MED26: variants seen among roughly 807,000 people sequenced by gnomAD.
MED26 encodes mediator of RNA polymerase II transcription subunit 26.
MED26 carries 7 observed loss-of-function variants against 43.7 expected under a neutral mutation model. The observed-to-expected ratio is 0.16, with a 90% CI of 0.09 to 0.30. MED26 has a LOEUF of 0.30. Among genes scored for constraint, MED26 ranks in the 10% least tolerant of loss-of-function variants. The probability of loss-of-function intolerance (pLI) is 1.00; values close to 1 mark genes in which losing one functional copy is unlikely to be tolerated. For missense variants in MED26, 784 were observed against 840.6 expected (o/e 0.93, Z 0.83); for synonymous variants, 375 against 371.1 (o/e 1.01, Z -0.12).
chr19:16,608,357 C>T (rs2122434615), intron 1 of MED26, among the ~76,000 whole-genome samples: 1 of 152,368 alleles, frequency 6.6e-6, no homozygotes, highest in East Asian at 1.9e-4. Flanking sequence ...TTTTACCAAA[C>T]TTAGTACTAT....
intron 1 of MED26, among the ~76,000 whole-genome samples, chr19:16,579,959 G>A (rs182253921): frequency 6.4e-4 from 97 of 152,312 alleles, no homozygotes; most frequent in Non-Finnish European, 1.2e-3. Flanking sequence ...CCCCTCATTT[G>A]GCTCACCATC....
At chr19:16,601,507 G>A (rs1313158724) in intron 1 of MED26, among the ~76,000 whole-genome samples, 4 of 152,212 alleles carry the variant, frequency 2.6e-5, no homozygotes, top group African/African-American at 9.6e-5. Flanking sequence ...GCAACACACA[G>A]ATAAAGCACG....
In MED26 at chr19:16,577,710, C is replaced by T. The variant is rs1568279212; in HGVS notation, c.148-28G>A. On this transcript the variant is annotated intron_variant, in intron 2 of 2. Transcript: ENST00000263390. The surrounding 1 kb of genome is among the most constrained non-coding windows in gnomAD (Gnocchi z 8.1). The stretch of plus-strand genomic sequence containing the variant: ...ACAACCAGAGGGAGATGATGACATA[C>T]TTTCGGGACAGGAACTTCTCCATGA... The T allele has an allele frequency of 2.0e-6, 3 of 1,523,854 alleles. No individual in the cohort carries two copies. The highest frequency in any genetic ancestry group is 2.8e-5 in the African/African-American group (2 of 72,018). The allele number at this position is 1,523,854 out of a possible 1,614,324, so 94.4% of individuals were successfully genotyped here.
intron 1 of MED26, chr19:16,578,821 G>A (rs1226083421): frequency 5.7e-6 from 1 of 175,822 alleles, no homozygotes; most frequent in Non-Finnish European, 1.2e-5. Flanking sequence ...TCAATACACA[G>A]GCCAGGCGCG....
At chr19:16,612,634 A>G (rs2086204730) in intron 1 of MED26, among the ~76,000 whole-genome samples, 1 of 152,200 alleles carries the variant, frequency 6.6e-6, no homozygotes, top group Non-Finnish European at 1.5e-5. Context: ...AATATTGGCT[A>G]TTGCTTCTGA....
intron 1 of MED26, among the ~76,000 whole-genome samples, chr19:16,617,842 G>C (rs1303642856): frequency 2.0e-5 from 3 of 152,168 alleles, no homozygotes; most frequent in African/African-American, 7.2e-5. Flanking sequence ...CCTTAAGGCA[G>C]AAGTGAAGGT....
In MED26 at chr19:16,575,945, G is replaced by A. The variant is rs2085993472; in HGVS notation, c.*82C>T. Reference sequence around the variant, plus strand: ...CGAGTTCCCAGCGCAGGAGGCAGCTGGGCCCCGGCCACCTGCCCACCTGCC... The same window carrying A: ...CGAGTTCCCAGCGCAGGAGGCAGCTAGGCCCCGGCCACCTGCCCACCTGCC... On this transcript the variant is annotated 3_prime_UTR_variant, in exon 3 of 3. Coordinates refer to ENST00000263390, the MANE Select transcript of MED26 (RefSeq NM_004831.5). 5 of 1,356,908 alleles carry A rather than the reference G, an allele frequency of 3.7e-6. No homozygotes were observed. The highest frequency in any genetic ancestry group is 5.1e-6 in the Non-Finnish European group (5 of 985,026). The allele number at this position is 1,356,908 out of a possible 1,614,324, so 84.1% of individuals were successfully genotyped here. A position where few individuals can be genotyped will look rare whatever the true frequency, so the allele number is the denominator to read the frequency against.
At chr19:16,625,295 A>G (rs1349582576) in intron 1 of MED26, among the ~76,000 whole-genome samples, 1 of 152,254 alleles carries the variant, frequency 6.6e-6, no homozygotes, top group Admixed American at 6.5e-5. Context: ...GTGAGAGCAC[A>G]GAAACTACTT....
chr19:16,622,662 A>C, intron 1 of MED26, among the ~76,000 whole-genome samples: 1 of 152,198 alleles, frequency 6.6e-6, no homozygotes, highest in South Asian at 2.1e-4. Flanking sequence ...ACTGTGCCAC[A>C]AACTTGGCCA....
chr19:16,618,442 G>A (rs965871665), intron 1 of MED26, among the ~76,000 whole-genome samples: 4 of 152,192 alleles, frequency 2.6e-5, no homozygotes, highest in South Asian at 2.1e-4. Context: ...CTCGGACAGC[G>A]TGACAGCGAG....
At chr19:16,591,880 C>T (rs1296445394) in intron 1 of MED26, among the ~76,000 whole-genome samples, 3 of 152,206 alleles carry the variant, frequency 2.0e-5, no homozygotes, top group Non-Finnish European at 4.4e-5. Flanking sequence ...TCCTGACTTT[C>T]CCCGCTAGAG....
chr19:16,617,304 C>A (rs1480602194), intron 1 of MED26, among the ~76,000 whole-genome samples: 1 of 152,216 alleles, frequency 6.6e-6, no homozygotes, highest in East Asian at 1.9e-4. Flanking sequence ...AGGGCTGCAG[C>A]AGCCTGGGGG....
chr19:16,576,186 T>G lies in MED26; in HGVS notation c.1644A>C (p.Thr548=). The stretch of plus-strand genomic sequence containing the variant: ...CCTGGATTCTGTCGAGATCGTCCTG[T>G]GTGACCTCCCGGGTCAGACCAGGGA... The part of the protein sequence containing the change: ...TDLPGLTREV[T]QDDLDRIQAS... Residue 548 remains threonine, a synonymous_variant, in exon 3 of 3, where the codon ACA becomes ACC. Transcript: ENST00000263390. This position sits in a 1 kb window ranked among gnomAD's most constrained non-coding sequence, Gnocchi z 6.8. 1.9e-6 allele frequency: 3 copies of G among 1,613,214 alleles called. No homozygotes were observed. Among genetic ancestry groups the G allele is most frequent in the Non-Finnish European group, 1.7e-6 (2 of 1,180,006 alleles).
In MED26 at chr19:16,587,011, C is replaced by G. The variant is rs1177274883; in HGVS notation, c.73-8602G>C. 1 of 151,934 alleles carries G rather than the reference C, an allele frequency of 6.6e-6. No homozygotes were observed. Among genetic ancestry groups the G allele is most frequent in the Non-Finnish European group, 1.5e-5 (1 of 68,004 alleles). 9.4% of individuals were successfully genotyped at this position (151,934 alleles called of 1,614,324 possible). A position where few individuals can be genotyped will look rare whatever the true frequency, so the allele number is the denominator to read the frequency against. On this transcript the variant is annotated intron_variant, in intron 1 of 2. Coordinates refer to ENST00000263390, the MANE Select transcript of MED26 (RefSeq NM_004831.5). This position sits in a 1 kb window ranked among gnomAD's most constrained non-coding sequence, Gnocchi z 4.9. ...AAGTGTTCATCAGCAAGCAAGCTGT[C>G]CTTCCAAACCCAAACATGCCACAGA...
Position 16,627,875 on chromosome 19 carries a change from G to A in MED26, c.69C>T (p.Ser23=). Residue 23 remains serine, a synonymous_variant, in exon 1 of 3, where the codon AGC becomes AGT. Coordinates refer to ENST00000263390, the MANE Select transcript of MED26 (RefSeq NM_004831.5). The part of the protein sequence containing the change: ...DRLLQAIDPQ[S]NIRNMVAVLE... ...AGCTCGCGCGGCGGGTACTTACGTT[G>A]CTCTGGGGGTCGATGGCCTGCAGCA... 2.0e-6 allele frequency: 3 copies of A among 1,495,216 alleles called. No homozygotes were observed. The highest frequency in any genetic ancestry group is 2.5e-5 in the South Asian group (2 of 78,810). 92.6% of individuals were successfully genotyped at this position (1,495,216 alleles called of 1,614,324 possible). A position where few individuals can be genotyped will look rare whatever the true frequency, so the allele number is the denominator to read the frequency against.
intron 1 of MED26, among the ~76,000 whole-genome samples, chr19:16,603,424 C>T (rs1259050051): frequency 6.6e-6 from 1 of 152,112 alleles, no homozygotes; most frequent in Non-Finnish European, 1.5e-5. Context: ...ACCTCTAGGG[C>T]CACTGTTAAG....
chr19:16,589,523 A>G (rs1181301922), intron 1 of MED26: 5 of 152,106 alleles, frequency 3.3e-5, no homozygotes, highest in Non-Finnish European at 7.3e-5. Context: ...AACACAAAAA[A>G]ACACATTTTT....
At chr19:16,617,335 A>T (rs1479405778) in intron 1 of MED26, among the ~76,000 whole-genome samples, 1 of 152,198 alleles carries the variant, frequency 6.6e-6, no homozygotes, top group African/African-American at 2.4e-5. Flanking sequence ...TTCTGTCTGC[A>T]CAAAAGGTCC....
At chr19:16,618,745 A>G (rs994901015) in intron 1 of MED26, among the ~76,000 whole-genome samples, 1 of 152,104 alleles carries the variant, frequency 6.6e-6, no homozygotes, top group Non-Finnish European at 1.5e-5. Context: ...CATCCCCTCT[A>G]TTGTGGGACT....
Sources: allele counts gnomAD v4.1 joint callset (sites outside exome capture counted in the v4.1 genomes callset), GRCh38; gene constraint gnomAD v4.1.1; non-coding constraint Gnocchi (gnomAD v3.1); transcripts MANE v1.5; gene names NCBI Gene and HGNC (gene_info 2026-07-23, HGNC 2026-07-21).